GABBR2: variants seen among roughly 807,000 people sequenced by gnomAD.
GABBR2 encodes the protein gamma-aminobutyric acid type B receptor subunit 2, also known as G-protein coupled receptor 51.
Under a neutral mutation model 105.6 loss-of-function variants are expected in GABBR2, and 23 were observed. The observed-to-expected ratio is 0.22, with a 90% CI of 0.16 to 0.31. The LOEUF is 0.31. GABBR2 is among the 10% of genes least tolerant of loss of function. The pLI is 1.00. For missense variants in GABBR2, 734 were observed against 1,245.5 expected, an observed-to-expected ratio of 0.59 and a Z score of 6.18; for synonymous variants, 478 against 499.7, an observed-to-expected ratio of 0.96 and a Z score of 0.58.
chr9:98,324,676 C>G (rs561021336), intron 13 of GABBR2, among the ~76,000 whole-genome samples: 22 of 152,318 alleles, frequency 1.4e-4, no homozygotes, highest in Middle Eastern at 3.4e-3. Flanking sequence ...GCTGCTGTGG[C>G]CACTGCTGGC....
chr9:98,399,569 C>T (rs565695236), intron 8 of GABBR2, among the ~76,000 whole-genome samples: 8 of 152,264 alleles, frequency 5.3e-5, no homozygotes, highest in African/African-American at 1.9e-4. Context: ...TTACCCTACT[C>T]AGCCCCACCA....
chr9:98,363,926 T>G (rs544734186), intron 12 of GABBR2, among the ~76,000 whole-genome samples: 4 of 152,032 alleles, frequency 2.6e-5, no homozygotes, highest in African/African-American at 9.7e-5. Flanking sequence ...TGTGATGGAG[T>G]AGTTCTGGAA....
intron 7 of GABBR2, among the ~76,000 whole-genome samples, chr9:98,420,546 C>T (rs1455870697): frequency 6.6e-6 from 1 of 152,214 alleles, no homozygotes; most frequent in Non-Finnish European, 1.5e-5. Flanking sequence ...CAACAATCCC[C>T]AAGACTTAGT....
At chr9:98,350,049 T>C (rs1418435868) in intron 13 of GABBR2, among the ~76,000 whole-genome samples, 1 of 152,154 alleles carries the variant, frequency 6.6e-6, no homozygotes, top group Non-Finnish European at 1.5e-5. Context: ...TTGTTCATAA[T>C]AGTCTCTAGT....
At position 98,441,354 on chromosome 9, in the gene GABBR2, G is replaced by GTTATTATTA. The variant is rs10551324; in HGVS notation, c.1236+12618_1236+12626dup. Among the ~76,000 whole-genome samples, 11 of 151,622 alleles carry GTTATTATTA rather than the reference G, an allele frequency of 7.3e-5. No individual in the cohort carries two copies. In the East Asian group the frequency reaches 1.9e-3, roughly 27 times the overall value. Reference sequence around the variant, plus strand: ...TTTAATAAAAACTCCTCTGAAGGAAGTTATTATTATTATTATTATTTATTA... The same window carrying GTTATTATTA: ...TTTAATAAAAACTCCTCTGAAGGAAGTTATTATTATTATTATTATTATTATTATTTATTA... On this transcript the variant is annotated intron_variant, in intron 7 of 18. Transcript: ENST00000259455.
chr9:98,411,880 T>G (rs912528133), intron 7 of GABBR2, among the ~76,000 whole-genome samples: 2 of 152,118 alleles, frequency 1.3e-5, no homozygotes, highest in African/African-American at 4.8e-5. Flanking sequence ...GGCTGCAAAA[T>G]CCCATCTGAT....
chr9:98,570,527 T>C (rs528286002), intron 2 of GABBR2, among the ~76,000 whole-genome samples: 2 of 152,322 alleles, frequency 1.3e-5, no homozygotes, highest in South Asian at 4.1e-4. Flanking sequence ...TAACTCCCTC[T>C]TGCTAGCATC....
At chr9:98,696,593 A>C (rs994916801) in intron 1 of GABBR2, among the ~76,000 whole-genome samples, 5 of 152,146 alleles carry the variant, frequency 3.3e-5, no homozygotes, top group Non-Finnish European at 7.4e-5. Flanking sequence ...AAGCACAGCT[A>C]TTTTGGAGTT....
chr9:98,678,959 G>C (rs1210442730), intron 1 of GABBR2, among the ~76,000 whole-genome samples: 1 of 152,172 alleles, frequency 6.6e-6, no homozygotes, highest in African/African-American at 2.4e-5. Flanking sequence ...CATTTGTATG[G>C]AAGAGGCTGA....
At chr9:98,350,679 G>A in intron 13 of GABBR2, among the ~76,000 whole-genome samples, 1 of 152,182 alleles carries the variant, frequency 6.6e-6, no homozygotes, top group East Asian at 1.9e-4. Context: ...CCTGGAGAAT[G>A]TTCCATGTGT....
chr9:98,663,657 TAAAA>T (rs60374831), intron 1 of GABBR2, among the ~76,000 whole-genome samples: 3 of 130,234 alleles, frequency 2.3e-5, no homozygotes, highest in Middle Eastern at 3.7e-3. Context: ...GCTGCCCCAC[TAAAA>T]AAAAAAAAAA....
intron 1 of GABBR2, among the ~76,000 whole-genome samples, chr9:98,588,888 G>A (rs1829110297): frequency 6.6e-6 from 1 of 152,170 alleles, no homozygotes; most frequent in Non-Finnish European, 1.5e-5. Flanking sequence ...GGGAAAAAAT[G>A]CAAGGACCTG....
intron 13 of GABBR2, among the ~76,000 whole-genome samples, chr9:98,324,492 C>T (rs940327873): frequency 4.5e-5 from 5 of 111,728 alleles, no homozygotes; most frequent in Admixed American, 9.6e-5. Context: ...ACTACAGAGC[C>T]GACACACACA....
chr9:98,334,595 G>A (rs1307531473), intron 13 of GABBR2, among the ~76,000 whole-genome samples: 7 of 147,354 alleles, frequency 4.8e-5, no homozygotes, highest in South Asian at 2.3e-4. Context: ...GTGCTTGCAT[G>A]TGAGTAGGGT....
chr9:98,403,675 AC>A (rs1832438367), intron 8 of GABBR2, among the ~76,000 whole-genome samples: 1 of 152,078 alleles, frequency 6.6e-6, no homozygotes, highest in Admixed American at 6.6e-5. Context: ...CTTCAGGGAA[AC>A]CTGAATTTGC....
chr9:98,588,864 C>T (rs751674517), intron 1 of GABBR2, among the ~76,000 whole-genome samples: 12 of 152,164 alleles, frequency 7.9e-5, no homozygotes, highest in South Asian at 2.1e-4. Flanking sequence ...TCTTTTCCAT[C>T]CACAGTGTGA....
chr9:98,363,307 TAAC>T (rs145521183), intron 12 of GABBR2, among the ~76,000 whole-genome samples: 59 of 152,298 alleles, frequency 3.9e-4, no homozygotes, highest in African/African-American at 1.4e-3. Context: ...ACCACAGTAG[TAAC>T]AACAATGAGA....
At chr9:98,463,194 G>A (rs534138085) in intron 6 of GABBR2, among the ~76,000 whole-genome samples, 1 of 152,278 alleles carries the variant, frequency 6.6e-6, no homozygotes, top group African/African-American at 2.4e-5. Context: ...CAGCCAATAT[G>A]TGCAATAATT....
chr9:98,385,833 G>A (rs1189165664), intron 10 of GABBR2, 61 bp from the exon 11 acceptor site: 20 of 1,391,342 alleles, frequency 1.4e-5, no homozygotes, highest in Non-Finnish European at 1.9e-5. Flanking sequence ...TCCTTCAACA[G>A]GTATTTTCTA....
Sources: gnomAD v4.1 joint callset for allele counts (sites outside exome capture counted in the v4.1 genomes callset) on GRCh38, gnomAD v4.1.1 for gene constraint, MANE v1.5 for transcripts, NCBI Gene and HGNC (gene_info 2026-07-23, HGNC 2026-07-21) for gene names.